Variants in CDH9 observed in about 807,000 individuals in gnomAD.
CDH9 encodes cadherin-9.
CDH9 carries 28 observed loss-of-function variants against 70.9 expected under a neutral mutation model. The observed-to-expected ratio is 0.40, with a 90% CI of 0.29 to 0.54. CDH9 has a LOEUF of 0.54. Among genes scored for constraint, CDH9 ranks in the 20% least tolerant of loss-of-function variants. The pLI, the probability that CDH9 is intolerant of heterozygous loss-of-function variation, is 0.59. For synonymous variants in CDH9, 409 were observed against 343.1 expected (o/e 1.19, Z -2.12); for missense variants, 874 against 984.4 (o/e 0.89, Z 1.50).
chr5:26,909,230 G>T (rs752098656), intron 3 of CDH9, among the ~76,000 whole-genome samples: 1 of 152,012 alleles, frequency 6.6e-6, no homozygotes, highest in Admixed American at 6.6e-5. Flanking sequence ...ATGATCGCCC[G>T]CCTTGGCCTC....
At chr5:26,899,527 A>G (rs886165238) in intron 7 of CDH9, among the ~76,000 whole-genome samples, 1 of 152,170 alleles carries the variant, frequency 6.6e-6, no homozygotes, top group African/African-American at 2.4e-5. Flanking sequence ...GGAAATCATC[A>G]TTCTCAACAA....
intron 2 of CDH9, among the ~76,000 whole-genome samples, chr5:26,982,902 G>C (rs1742423973): frequency 6.6e-6 from 1 of 151,994 alleles, no homozygotes; most frequent in African/African-American, 2.4e-5. Context: ...GGCAAGGCTG[G>C]TCTCAAACTC....
intron 1 of CDH9, among the ~76,000 whole-genome samples, chr5:27,035,239 G>A (rs762788039): frequency 6.7e-6 from 1 of 149,892 alleles, no homozygotes; most frequent in African/African-American, 2.4e-5. Flanking sequence ...CTAAGCCTCT[G>A]CTTTAGTATG....
At chr5:26,886,874 T>G (rs1321003183) in intron 9 of CDH9, among the ~76,000 whole-genome samples, 1 of 152,170 alleles carries the variant, frequency 6.6e-6, no homozygotes, top group East Asian at 1.9e-4. Flanking sequence ...AGCTACACAT[T>G]GGGTTGCCTC....
intron 1 of CDH9, among the ~76,000 whole-genome samples, chr5:27,000,480 A>C (rs1742745165): frequency 6.6e-6 from 1 of 152,132 alleles, no homozygotes; most frequent in Admixed American, 6.6e-5. Context: ...TACACTCAAC[A>C]AAACAAAGAT....
intron 2 of CDH9, among the ~76,000 whole-genome samples, chr5:26,943,359 C>G (rs951933688): frequency 6.6e-6 from 1 of 151,810 alleles, no homozygotes; most frequent in Admixed American, 6.6e-5. Context: ...TAAAAAAATA[C>G]AAAATTAGCC....
At chr5:26,952,495 C>T (rs1340623777) in intron 2 of CDH9, among the ~76,000 whole-genome samples, 3 of 106,640 alleles carry the variant, frequency 2.8e-5, no homozygotes, top group East Asian at 3.0e-4. Context: ...AAAAGCCGGG[C>T]GTGGTGGGAG....
chr5:26,947,157 G>T (rs1741769117), intron 2 of CDH9, among the ~76,000 whole-genome samples: 2 of 152,160 alleles, frequency 1.3e-5, no homozygotes, highest in South Asian at 2.1e-4. Context: ...GTCCTCTTTG[G>T]TGGAAAACAT....
At chr5:26,987,709 C>T (rs1742511460) in intron 2 of CDH9, among the ~76,000 whole-genome samples, 2 of 151,994 alleles carry the variant, frequency 1.3e-5, no homozygotes, top group Admixed American at 6.6e-5. Context: ...AAGCAGGAAG[C>T]TCACCCTAGC....
At chr5:26,977,489 A>ATATATATATATATATATATATG (rs1401713640) in intron 2 of CDH9, among the ~76,000 whole-genome samples, 1,676 of 128,786 alleles carry the variant, frequency 0.013, 72 homozygotes, top group African/African-American at 0.073. Flanking sequence ...GTGTGTGTAT[A>ATATATATATATATATATATATG]TATATATATA....
intron 6 of CDH9, 81 bp downstream of exon 6, chr5:26,903,556 C>T (rs747162895): frequency 4.4e-6 from 4 of 909,200 alleles, no homozygotes; most frequent in South Asian, 1.3e-5. Flanking sequence ...AAAATAAATC[C>T]CAGGCTTTTT....
chr5:26,940,220 A>G (rs929688042), intron 2 of CDH9, among the ~76,000 whole-genome samples: 5 of 151,986 alleles, frequency 3.3e-5, no homozygotes, highest in Admixed American at 6.6e-5. Flanking sequence ...AAATGAGAGT[A>G]TGTATAGGAT....
At chr5:26,993,698 CAAA>C (rs34545141) in intron 1 of CDH9, among the ~76,000 whole-genome samples, 6 of 51,004 alleles carry the variant, frequency 1.2e-4, no homozygotes, top group African/African-American at 4.2e-4. Context: ...TATTCAGCTG[CAAA>C]AAAAAAAAAA....
In CDH9 at chr5:26,903,796, A is replaced by G. The variant is rs756018977; in HGVS notation, c.840T>C (p.Ser280=). Residue 280 remains serine (S), a synonymous_variant, in exon 6 of 12, where the codon TCT becomes TCC. Transcript: ENST00000231021. ...TTCCAAGATGAGTTCCAAGAGGTAC[A>G]GACTCAGGAGAATTAAATTGATACG... ...QSTYQFNSPE[S]VPLGTHLGRI... The G allele has an allele frequency of 1.3e-6, 2 of 1,586,648 alleles. No homozygotes were observed. The highest frequency in any genetic ancestry group is 1.7e-6 in the Non-Finnish European group (2 of 1,167,802).
chr5:26,964,631 C>T (rs1179114642), intron 2 of CDH9, among the ~76,000 whole-genome samples: 2 of 152,054 alleles, frequency 1.3e-5, no homozygotes, highest in African/African-American at 2.4e-5. Flanking sequence ...TATCTTGAAG[C>T]CCTTTTTTTA....
chr5:27,030,299 A>G (rs1743290400), intron 1 of CDH9, among the ~76,000 whole-genome samples: 1 of 151,936 alleles, frequency 6.6e-6, no homozygotes, highest in African/African-American at 2.4e-5. Flanking sequence ...ACATTGATCC[A>G]TTTTTATTAG....
chr5:26,956,633 C>A (rs893343738), intron 2 of CDH9, among the ~76,000 whole-genome samples: 1 of 152,036 alleles, frequency 6.6e-6, no homozygotes, highest in Non-Finnish European at 1.5e-5. Context: ...TGTATTAGCC[C>A]CCTGCCACCC....
Position 26,903,762 on chromosome 5 carries a change from C to A in CDH9, c.874G>T (p.Ala292Ser). ...TTTTCCCCCACGTCAGGGTCATTGGCTTTTATCCTTCCAAGATGAGTTCCA... is the reference window on the plus strand; with the variant it reads ...TTTTCCCCCACGTCAGGGTCATTGGATTTTATCCTTCCAAGATGAGTTCCA... Reference protein sequence around the residue: ...PLGTHLGRIKANDPDVGENAE... With the variant: ...PLGTHLGRIKSNDPDVGENAE... Residue 292 changes from alanine to serine, a missense_variant, in exon 6 of 12, where the codon GCC (alanine) becomes TCC (serine). Coordinates refer to ENST00000231021, the MANE Select transcript of CDH9 (RefSeq NM_016279.4). 1 of 1,607,762 alleles carries A rather than the reference C, an allele frequency of 6.2e-7. No individual in the cohort carries two copies.
At chr5:26,959,657 G>A (rs530901399) in intron 2 of CDH9, among the ~76,000 whole-genome samples, 1 of 151,960 alleles carries the variant, frequency 6.6e-6, no homozygotes, top group Admixed American at 6.6e-5. Context: ...TTATACAATG[G>A]AATATTACTC....
Sources: allele counts gnomAD v4.1 joint callset (sites outside exome capture counted in the v4.1 genomes callset), GRCh38; gene constraint gnomAD v4.1.1; transcripts MANE v1.5; gene names NCBI Gene and HGNC (gene_info 2026-07-23, HGNC 2026-07-21).